Variants in GALK2 observed in about 807,000 individuals in gnomAD.
GALK2 encodes the protein galactokinase 2.
In GALK2, 36 loss-of-function variants were observed where a neutral mutation model predicts 52.4. That is an observed-to-expected ratio of 0.69 (90% CI 0.53 to 0.91). The LOEUF (loss-of-function observed/expected upper bound fraction) is 0.91, where lower values mean the gene tolerates loss of function less well. GALK2 is among the 40% of genes least tolerant of loss of function. The probability of loss-of-function intolerance (pLI) is 0.00; values close to 1 mark genes in which losing one functional copy is unlikely to be tolerated. For synonymous variants in GALK2, 176 were observed against 199.1 expected (o/e 0.88, Z 0.98); for missense variants, 579 against 559.1 (o/e 1.04, Z -0.36).
intron 5 of GALK2, among the ~76,000 whole-genome samples, chr15:49,251,127 A>T (rs2091579894): frequency 1.3e-5 from 2 of 152,242 alleles, no homozygotes; most frequent in Non-Finnish European, 2.9e-5. Flanking sequence ...AGGACATCAC[A>T]AGAAAAGAGA....
chr15:49,184,622 G>A (rs1001771613), intron 1 of GALK2, among the ~76,000 whole-genome samples: 1 of 151,916 alleles, frequency 6.6e-6, no homozygotes, highest in African/African-American at 2.4e-5. Context: ...TATTTTTTGT[G>A]TATCTGTTTT....
intron 1 of GALK2, among the ~76,000 whole-genome samples, chr15:49,175,064 A>G (rs887517980): frequency 1.3e-5 from 2 of 152,228 alleles, no homozygotes; most frequent in Non-Finnish European, 2.9e-5. Flanking sequence ...GGGAAAAGCT[A>G]TACATATTTA....
At chr15:49,340,179 G>A (rs1357894395) in intron 3 of GALK2, among the ~76,000 whole-genome samples, 3 of 152,158 alleles carry the variant, frequency 2.0e-5, no homozygotes, top group Admixed American at 6.5e-5. Context: ...GAAAACTCCT[G>A]TGGCTAGCTT....
intron 4 of GALK2, 39 bp from the exon 5 acceptor site, chr15:49,239,182 A>G (rs752732932): frequency 4.4e-6 from 7 of 1,578,570 alleles, no homozygotes; most frequent in Admixed American, 1.7e-5. Context: ...CTTGAATTCA[A>G]TACTGAATTA....
chr15:49,227,075 G>T (rs565143977), intron 3 of GALK2, among the ~76,000 whole-genome samples: 27 of 152,288 alleles, frequency 1.8e-4, no homozygotes, highest in African/African-American at 6.5e-4. Context: ...TGTTTCATCT[G>T]CTGATGAGAA....
At chr15:49,321,812 GTGTT>G (rs2151088988) in intron 9 of GALK2, among the ~76,000 whole-genome samples, 1 of 152,328 alleles carries the variant, frequency 6.6e-6, no homozygotes, top group South Asian at 2.1e-4. Context: ...GTGTACGTGT[GTGTT>G]TGTAACCTAT....
intron 5 of GALK2, among the ~76,000 whole-genome samples, chr15:49,251,112 T>A (rs894324071): frequency 1.3e-5 from 2 of 152,174 alleles, no homozygotes; most frequent in Non-Finnish European, 2.9e-5. Flanking sequence ...ATACCAAACC[T>A]GACAAGGACA....
At chr15:49,243,262 A>G (rs555773214) in intron 5 of GALK2, among the ~76,000 whole-genome samples, 87 of 152,310 alleles carry the variant, frequency 5.7e-4, no homozygotes, top group Non-Finnish European at 1.0e-3. Context: ...ACTTGGGGAC[A>G]CTGAGCACTG....
At chr15:49,272,891 T>C (rs369859421) in intron 5 of GALK2, among the ~76,000 whole-genome samples, 2 of 152,306 alleles carry the variant, frequency 1.3e-5, no homozygotes. Context: ...GTGACTTGGA[T>C]TGCAGATCAG....
intron 2 of GALK2, 58 bp from the exon 3 acceptor site, chr15:49,217,132 T>C (rs1307441372): frequency 6.7e-7 from 1 of 1,494,052 alleles, no homozygotes; most frequent in Non-Finnish European, 9.2e-7. Context: ...TAAACTTTCT[T>C]GAGGTGCTTT....
intron 1 of GALK2, among the ~76,000 whole-genome samples, chr15:49,181,877 A>T (rs1893877034): frequency 6.6e-6 from 1 of 151,642 alleles, no homozygotes; most frequent in African/African-American, 2.4e-5. Context: ...CATAATATAG[A>T]TGTATATATT....
chr15:49,173,651 T>G (rs2085249817), intron 1 of GALK2, among the ~76,000 whole-genome samples: 1 of 152,248 alleles, frequency 6.6e-6, no homozygotes. Flanking sequence ...ATAAGTCCAA[T>G]AATTATATTT....
intron 9 of GALK2, among the ~76,000 whole-genome samples, chr15:49,323,721 G>C (rs1176353733): frequency 6.6e-6 from 1 of 152,194 alleles, no homozygotes; most frequent in Non-Finnish European, 1.5e-5. Flanking sequence ...CAAGTGGAGA[G>C]AAGGGGGGTT....
At chr15:49,285,311 TC>T (rs1214673573) in intron 7 of GALK2, among the ~76,000 whole-genome samples, 4 of 152,276 alleles carry the variant, frequency 2.6e-5, no homozygotes, top group African/African-American at 9.6e-5. Flanking sequence ...TTTTTTCTTT[TC>T]CCCCTTATAT....
chr15:49,245,465 G>T (rs897054742), intron 5 of GALK2, among the ~76,000 whole-genome samples: 1 of 152,108 alleles, frequency 6.6e-6, no homozygotes, highest in African/African-American at 2.4e-5. Context: ...AATAAGAATG[G>T]AAATAGAATG....
intron 2 of GALK2, among the ~76,000 whole-genome samples, chr15:49,205,380 C>T (rs1311084185): frequency 6.6e-6 from 1 of 152,158 alleles, no homozygotes; most frequent in African/African-American, 2.4e-5. Context: ...ACCACATCCA[C>T]ACCAACATCT....
chr15:49,157,562 A>G (rs1398657784), intron 1 of GALK2, among the ~76,000 whole-genome samples: 3 of 152,220 alleles, frequency 2.0e-5, no homozygotes, highest in African/African-American at 7.2e-5. Context: ...AGGCAGTAGT[A>G]GAAACTTTCG....
intron 1 of GALK2, among the ~76,000 whole-genome samples, chr15:49,171,082 CTT>C (rs201895577): frequency 5.4e-5 from 7 of 129,896 alleles, no homozygotes; most frequent in Admixed American, 7.8e-5. Context: ...TTTTCTTTTT[CTT>C]TTTTTTTTTT....
intron 8 of GALK2, among the ~76,000 whole-genome samples, chr15:49,305,166 A>G (rs1315499298): frequency 6.6e-6 from 1 of 152,178 alleles, no homozygotes; most frequent in African/African-American, 2.4e-5. Flanking sequence ...TGTTTCCAGG[A>G]GAGTCAGCTG....
Sources: allele counts gnomAD v4.1 joint callset (sites outside exome capture counted in the v4.1 genomes callset), GRCh38; gene constraint gnomAD v4.1.1; transcripts MANE v1.5; gene names NCBI Gene and HGNC (gene_info 2026-07-23, HGNC 2026-07-21).